The following PCYOX1 variants were observed in gnomAD, a reference collection of about 807,000 sequenced individuals.
PCYOX1 encodes the protein prenylcysteine lyase.
PCYOX1 carries 46 observed loss-of-function variants against 46.4 expected under a neutral mutation model. The observed-to-expected ratio is 0.99, with a 90% confidence interval of 0.78 to 1.27. The LOEUF is 1.27. PCYOX1 is among the 50% of genes most tolerant of loss of function. The probability of loss-of-function intolerance (pLI) is 0.00; values close to 1 mark genes in which losing one functional copy is unlikely to be tolerated. For missense variants in PCYOX1, 658 were observed against 628.3 expected, an observed-to-expected ratio of 1.05 and a Z score of -0.51; for synonymous variants, 220 against 231.8, an observed-to-expected ratio of 0.95 and a Z score of 0.46.
intron 3 of PCYOX1, among the ~76,000 whole-genome samples, chr2:70,274,195 C>CTTT (rs397868949): frequency 2.6e-5 from 3 of 115,952 alleles, no homozygotes; most frequent in Non-Finnish European, 3.8e-5. Flanking sequence ...TTTACTTCTA[C>CTTT]TTTTTTTTTT....
Position 70,276,848 on chromosome 2 carries a change from C to A in PCYOX1, c.974C>A (p.Thr325Asn). The A allele has an allele frequency of 1.2e-6, 2 of 1,613,462 alleles. No homozygotes were observed. The highest frequency in any genetic ancestry group is 1.7e-6 in the Non-Finnish European group (2 of 1,179,446). ...TPLNRKMSNI[T>N]FLNFDPPIEE... Reference sequence around the variant, plus strand: ...TTGAATCGAAAAATGTCGAATATTACTTTTCTCAACTTTGATCCTCCAATT... The same window carrying A: ...TTGAATCGAAAAATGTCGAATATTAATTTTCTCAACTTTGATCCTCCAATT... Residue 325 changes from threonine (T) to asparagine (N), a missense_variant, in exon 6 of 6, where the codon ACT becomes AAT. Thr to Asn is a moderately conservative substitution (Grantham distance 65). Coordinates refer to ENST00000433351, the MANE Select transcript of PCYOX1 (RefSeq NM_016297.4).
chr2:70,277,491 C>A lies in PCYOX1; in HGVS notation c.*99C>A. ...GATGATTTTGAACCAGATATTTTGC[C>A]ATTATCATTGTTTAATAAAAGTAAT... On this transcript the variant is annotated 3_prime_UTR_variant, in exon 6 of 6. Transcript: ENST00000433351. 9.9e-7 allele frequency: 1 copy of A among 1,007,192 alleles called. No homozygotes were observed. The allele number at this position is 1,007,192 out of a possible 1,614,324, so 62.4% of individuals were successfully genotyped here.
chr2:70,272,132 T>A (rs1696609919), intron 3 of PCYOX1, among the ~76,000 whole-genome samples: 1 of 150,718 alleles, frequency 6.6e-6, no homozygotes, highest in African/African-American at 2.4e-5. Flanking sequence ...TTAATTTTTT[T>A]TTTTTTTTTT....
intron 2 of PCYOX1, among the ~76,000 whole-genome samples, chr2:70,260,833 C>G (rs116731951): frequency 2.6e-5 from 4 of 152,110 alleles, no homozygotes; most frequent in African/African-American, 9.7e-5. Flanking sequence ...GTTTCCTCCA[C>G]GAGGGCGAAG....
chr2:70,259,219 G>T lies in PCYOX1; in HGVS notation c.113-141G>T, dbSNP rs1696393838. The T allele has an allele frequency of 1.6e-5, 11 of 706,564 alleles. No homozygotes were observed. In the South Asian group the frequency reaches 1.7e-4, roughly 11 times the overall value. 43.8% of individuals were successfully genotyped at this position (706,564 alleles called of 1,614,324 possible). On this transcript the variant is annotated intron_variant, in intron 1 of 5. Transcript: ENST00000433351. Reference sequence around the variant, plus strand: ...AGATTCAGGGAGTTAGACCTTCGCTGCAGGTGTCACTCTTCCCCCACCAAA... The same window carrying T: ...AGATTCAGGGAGTTAGACCTTCGCTTCAGGTGTCACTCTTCCCCCACCAAA...
At position 70,261,231 on chromosome 2, in the gene PCYOX1, C is replaced by T. The variant is rs761220494; in HGVS notation, c.339C>T (p.Ala113=). Residue 113 remains alanine, a synonymous_variant, in exon 3 of 6, where the codon GCC becomes GCT. Coordinates refer to ENST00000433351, the MANE Select transcript of PCYOX1 (RefSeq NM_016297.4). Reference sequence around the variant, plus strand: ...TTGCAGGTCTCTCTGCTGTTCAGGCCTCTGGTGGCCTACTGGGGATATATA... The same window carrying T: ...TTGCAGGTCTCTCTGCTGTTCAGGCTTCTGGTGGCCTACTGGGGATATATA... ...VKDLGLSAVQ[A]SGGLLGIYNG... is the part of the protein sequence containing the mutation. The T allele has an allele frequency of 1.2e-6, 2 of 1,611,506 alleles. No homozygotes were observed. The highest frequency in any genetic ancestry group is 2.7e-5 in the African/African-American group (2 of 74,870).
intron 3 of PCYOX1, among the ~76,000 whole-genome samples, chr2:70,267,785 G>A (rs1696548675): frequency 6.6e-6 from 1 of 151,482 alleles, no homozygotes; most frequent in Non-Finnish European, 1.5e-5. Flanking sequence ...CGTGGAGAGG[G>A]AGAGGGGGAG....
intron 3 of PCYOX1, among the ~76,000 whole-genome samples, chr2:70,268,500 C>T (rs539985128): frequency 3.9e-5 from 6 of 152,076 alleles, no homozygotes; most frequent in Admixed American, 1.3e-4. Flanking sequence ...AAAATGAGGT[C>T]TTTAGCGTAG....
Position 70,275,603 on chromosome 2 carries a change from A to G in PCYOX1, c.796A>G (p.Lys266Glu), listed in dbSNP as rs141603879. The change falls in exon 5 of 6, where the codon AAA becomes GAA. Residue 266 changes from lysine to glutamate, a missense_variant. Coordinates refer to ENST00000433351, the MANE Select transcript of PCYOX1 (RefSeq NM_016297.4). Reference protein sequence around the residue: ...LVCSGLLQASKSNLISGSVMY... With the variant: ...LVCSGLLQASESNLISGSVMY... The stretch of plus-strand genomic sequence containing the variant: ...TTGCTCAGGGCTTCTGCAGGCATCC[A>G]AAAGCAATCTTATATCTGGCTCAGT... 15 of 1,614,104 alleles carry G rather than the reference A, an allele frequency of 9.3e-6. No homozygotes were observed. The African/African-American group carries it at 1.9e-4, about 20-fold the overall frequency.
intron 3 of PCYOX1, among the ~76,000 whole-genome samples, chr2:70,263,682 T>TA (rs1357621617): frequency 3.3e-5 from 5 of 151,556 alleles, no homozygotes; most frequent in African/African-American, 1.2e-4. Flanking sequence ...TTTTTTGAGA[T>TA]AGAGTCTCGT....
chr2:70,280,510 A>G lies in PCYOX1; in HGVS notation c.*3118A>G, dbSNP rs1358237070. ...CGCTAGGCTCCACCCTGTTTATTCA[A>G]TAAGTTTGTTATGGGATATAAGAAG... On this transcript the variant is annotated 3_prime_UTR_variant, in exon 6 of 6. Transcript: ENST00000433351. 2.0e-5 allele frequency: 3 copies of G among 152,200 alleles called. No homozygotes were observed. The highest frequency in any genetic ancestry group is 2.1e-4 in the South Asian group (1 of 4,832). 9.4% of individuals were successfully genotyped at this position (152,200 alleles called of 1,614,324 possible).
At chr2:70,259,237 C>T (rs1249879652) in intron 1 of PCYOX1, 123 bp from the exon 2 acceptor site, 29 of 835,296 alleles carry the variant, frequency 3.5e-5, no homozygotes, top group East Asian at 2.5e-4. Context: ...CACTCTTCCC[C>T]CACCAAATTG....
At chr2:70,272,652 C>T (rs186967973) in intron 3 of PCYOX1, among the ~76,000 whole-genome samples, 2 of 152,246 alleles carry the variant, frequency 1.3e-5, no homozygotes, top group East Asian at 1.9e-4. Flanking sequence ...TGCATGCTGC[C>T]TCACCTGGGT....
At position 70,281,037 on chromosome 2, in the gene PCYOX1, T is replaced by C. The variant is rs1166432064; in HGVS notation, c.*3645T>C. On this transcript the variant is annotated 3_prime_UTR_variant, in exon 6 of 6. Transcript: ENST00000433351. ...CAATTCATTAACTAGATGAATACAT[T>C]GTGGACAGCATCCTCACTACCCCTC... 6.6e-6 allele frequency: 1 copy of C among 152,238 alleles called. No homozygotes were observed. The highest frequency in any genetic ancestry group is 1.5e-5 in the Non-Finnish European group (1 of 68,044). 9.4% of individuals were successfully genotyped at this position (152,238 alleles called of 1,614,324 possible).
intron 5 of PCYOX1, among the ~76,000 whole-genome samples, chr2:70,275,876 A>G (rs1696664224): frequency 1.3e-5 from 2 of 152,084 alleles, no homozygotes; most frequent in Admixed American, 1.3e-4. Context: ...AGGAGGGTGG[A>G]TCACCTGAGG....
At chr2:70,273,175 T>C (rs1696625056) in intron 3 of PCYOX1, among the ~76,000 whole-genome samples, 1 of 152,188 alleles carries the variant, frequency 6.6e-6, no homozygotes, top group Non-Finnish European at 1.5e-5. Context: ...ATAGCATCAT[T>C]AGTAGCTTAT....
intron 3 of PCYOX1, among the ~76,000 whole-genome samples, chr2:70,264,597 G>A (rs985053240): frequency 6.6e-6 from 1 of 151,624 alleles, no homozygotes; most frequent in Admixed American, 6.6e-5. Context: ...AAAGTGCTGC[G>A]ATTACAGGCA....
rs1696677454 is a variant in PCYOX1 at position 70,276,773 on chromosome 2, G to A, written c.899G>A (p.Gly300Glu). The A allele has an allele frequency of 2.5e-6, 4 of 1,607,454 alleles. No individual in the cohort carries two copies. The East Asian group carries it at 8.9e-5, about 36-fold the overall frequency. Reference sequence around the variant, plus strand: ...ATGTATGAAGTGGTCTACCAAATTGGAACTGAGACTCGTTCAGACTTCTAT... The same window carrying A: ...ATGTATGAAGTGGTCTACCAAATTGAAACTGAGACTCGTTCAGACTTCTAT... ...TKMYEVVYQI[G>E]TETRSDFYDI... Residue 300 changes from glycine (G) to glutamate (E), a missense_variant, in exon 6 of 6, where the codon GGA becomes GAA. Transcript: ENST00000433351.
At position 70,259,394 on chromosome 2, in the gene PCYOX1, A is replaced by T; in HGVS notation, c.147A>T (p.Ala49=). The change falls in exon 2 of 6, where the codon GCA becomes GCT. Residue 49 remains alanine (A), a synonymous_variant. Transcript: ENST00000433351. ...GAGCCGGAATTGGTGGCACTTCAGC[A>T]GCCTATTACCTGCGGCAGAAATTTG... ...IIGAGIGGTS[A]AYYLRQKFGK... The T allele has an allele frequency of 6.2e-7, 1 of 1,614,160 alleles. No homozygotes were observed. Among genetic ancestry groups the T allele is most frequent in the South Asian group, 1.1e-5 (1 of 91,092 alleles).
Sources: allele counts gnomAD v4.1 joint callset (sites outside exome capture counted in the v4.1 genomes callset), GRCh38; gene constraint gnomAD v4.1.1; transcripts MANE v1.5; gene names NCBI Gene and HGNC (gene_info 2026-07-23, HGNC 2026-07-21).